Variants in KIF7 observed in about 807,000 individuals in gnomAD.
KIF7 encodes the protein kinesin-like protein KIF7.
Under a neutral mutation model 135.7 loss-of-function variants are expected in KIF7, and 104 were observed. The observed-to-expected ratio is 0.77, with a 90% CI of 0.65 to 0.90. KIF7 has a LOEUF of 0.90. Among genes scored for constraint, KIF7 ranks in the 40% least tolerant of loss-of-function variants. The pLI is 0.00. For synonymous variants in KIF7, 883 were observed against 809.4 expected, an observed-to-expected ratio of 1.09 and a Z score of -1.54; for missense variants, 2,005 against 1,839.1, an observed-to-expected ratio of 1.09 and a Z score of -1.65.
At chr15:89,624,136 C>G (rs140978691), downstream of KIF7, 1 of 1,613,744 alleles carries the variant, frequency 6.2e-7, no homozygotes. Flanking sequence ...CAGAGCTGCT[C>G]GGGCAGAGGA....
chr15:89,642,344 C>T lies in KIF7; in HGVS notation c.2253G>A (p.Glu751=). ...HSQRIRELEQ[E]AEQVRAELSE... ...TCAGCTCGGCCCGCACCTGCTCTGC[C>T]TCCTGCTCCAGCTCCCGGATACGCT... The change falls in exon 11 of 19, where the codon GAG becomes GAA. Residue 751 remains glutamate (E), a synonymous_variant. Coordinates refer to ENST00000394412, the MANE Select transcript of KIF7 (RefSeq NM_198525.3). 1.2e-6 allele frequency: 2 copies of T among 1,610,558 alleles called. No individual in the cohort carries two copies. Among genetic ancestry groups the T allele is most frequent in the Non-Finnish European group, 1.7e-6 (2 of 1,179,040 alleles).
intron 11 of KIF7, among the ~76,000 whole-genome samples, chr15:89,640,295 TAATA>T (rs1963894584): frequency 8.9e-6 from 1 of 112,416 alleles, no homozygotes; most frequent in South Asian, 4.1e-4. Flanking sequence ...AGTATAATAA[TAATA>T]AATTAAAAAT....
chr15:89,619,910 A>C (rs546706968), intron 1 of KIF7: 81 of 1,532,700 alleles, frequency 5.3e-5, no homozygotes, highest in Middle Eastern at 5.3e-4. Context: ...TTGGGAAAAG[A>C]AGCAAGAAAT....
rs886043006 is a variant in KIF7, at chr15:89,648,621, G to C, written c.1077C>G (p.Pro359=). The change falls in exon 5 of 19, where the codon CCC becomes CCG. Residue 359 remains proline (P), a synonymous_variant. Transcript: ENST00000394412. ...TCTCTTCGGGTGGCCGCTCGGCCTC[G>C]GGCCGCCAGTTGACCGTGGCGCGGT... ...IRNRATVNWR[P]EAERPPEETA... is the part of the protein sequence containing the mutation. 6.5e-7 allele frequency: 1 copy of C among 1,534,460 alleles called. No individual in the cohort carries two copies. Among genetic ancestry groups the C allele is most frequent in the Non-Finnish European group, 8.7e-7 (1 of 1,145,634 alleles).
chr15:89,623,637 T>G (rs774112387), downstream of KIF7: 1 of 1,605,282 alleles, frequency 6.2e-7, no homozygotes, highest in South Asian at 1.1e-5. Flanking sequence ...CCAAGAAGAG[T>G]CACCAGAAAT....
downstream of KIF7, among the ~76,000 whole-genome samples, chr15:89,626,741 A>G (rs146607652): frequency 1.2e-3 from 177 of 152,304 alleles, 2 homozygotes; most frequent in African/African-American, 4.2e-3. Context: ...TTGCATTTTC[A>G]GAGCTGCTTC....
downstream of KIF7, chr15:89,625,265 G>A: frequency 1.2e-6 from 2 of 1,613,482 alleles, no homozygotes; most frequent in Non-Finnish European, 1.7e-6. Flanking sequence ...CCCACCCACG[G>A]CCCTTCTAGT....
chr15:89,635,710 C>T (rs1963792189), intron 11 of KIF7, among the ~76,000 whole-genome samples: 1 of 152,102 alleles, frequency 6.6e-6, no homozygotes, highest in African/African-American at 2.4e-5. Context: ...ACTGGTGTAC[C>T]TGAAAGTGAC....
chr15:89,625,102 G>A (rs2141985600), downstream of KIF7: 1 of 1,613,820 alleles, frequency 6.2e-7, no homozygotes, highest in Non-Finnish European at 8.5e-7. Context: ...CTCTCTGGGA[G>A]AAGAGAGCTT....
intron 1 of KIF7, among the ~76,000 whole-genome samples, chr15:89,655,190 C>T (rs949017614): frequency 2.0e-5 from 3 of 152,234 alleles, no homozygotes; most frequent in East Asian, 1.9e-4. Context: ...CCTCAGCCCC[C>T]AGATGTCGGG....
Position 89,628,666 on chromosome 15 carries a change from C to T in KIF7, c.3785G>A (p.Arg1262Gln), listed in dbSNP as rs561205514. 12 of 1,613,148 alleles carry T rather than the reference C, an allele frequency of 7.4e-6. No individual in the cohort carries two copies. Among genetic ancestry groups the T allele is most frequent in the East Asian group, 4.5e-5 (2 of 44,842 alleles). ...GTGGACCAAGTCCCGCGTCTCCTCCCGGGTGCGGGGGGCCCCCTCAGTGAG... is the reference window on the plus strand; with the variant it reads ...GTGGACCAAGTCCCGCGTCTCCTCCTGGGTGCGGGGGGCCCCCTCAGTGAG... ...SPLTEGAPRTREETRDLVHAP... is the reference protein window; with the variant it reads ...SPLTEGAPRTQEETRDLVHAP... Residue 1262 changes from arginine to glutamine, a missense_variant, in exon 19 of 19, where the codon CGG becomes CAG. Arg to Gln is a conservative substitution (Grantham distance 43). Transcript: ENST00000394412.
chr15:89,632,672 G>A lies in KIF7; in HGVS notation c.2895+148C>T, dbSNP rs533472381. ...CCTCGCCTGGCAGGGACATCACCTG[G>A]CAGGTTTATCACTTGGAAGGACCTC... On this transcript the variant is annotated intron_variant, in intron 14 of 18. Coordinates refer to ENST00000394412, the MANE Select transcript of KIF7 (RefSeq NM_198525.3). 6.2e-4 allele frequency: 498 copies of A among 808,220 alleles called. 4 individuals carry two copies. The South Asian group carries it at 7.0e-3, about 11-fold the overall frequency. The allele number at this position is 808,220 out of a possible 1,614,324, so 50.1% of individuals were successfully genotyped here.
upstream of KIF7, chr15:89,655,477 G>T (rs1964194800): frequency 6.6e-6 from 1 of 152,078 alleles, no homozygotes; most frequent in Non-Finnish European, 1.5e-5. Context: ...TGCCGTCATC[G>T]GGACCCCCGC....
chr15:89,645,409 T>G lies in KIF7; in HGVS notation c.1965A>C (p.Pro655=). The G allele has an allele frequency of 6.2e-7, 1 of 1,614,036 alleles. No individual in the cohort carries two copies. Among genetic ancestry groups the G allele is most frequent in the Non-Finnish European group, 8.5e-7 (1 of 1,179,918 alleles). The stretch of plus-strand genomic sequence containing the variant: ...GGCCCTTCCTCTCTGGCAGACTCCC[T>G]GGGCGTGCCCCCGCCCTCTGACTGC... ...SNCSQRAGAR[P]GSLPERKGPE... The change falls in exon 9 of 19, where the codon CCA becomes CCC. Residue 655 remains proline (P), a synonymous_variant. Transcript: ENST00000394412.
intron 1 of KIF7, chr15:89,621,490 A>G (rs1963424137): frequency 1.2e-6 from 2 of 1,614,148 alleles, no homozygotes; most frequent in Admixed American, 1.7e-5. Context: ...AAAAGGGTTC[A>G]GCTCGAATGA....
intron 1 of KIF7, among the ~76,000 whole-genome samples, chr15:89,621,201 A>G (rs534505176): frequency 3.3e-5 from 5 of 151,322 alleles, no homozygotes; most frequent in African/African-American, 1.2e-4. Flanking sequence ...TTGTATTTTC[A>G]GTAGAGATGG....
chr15:89,636,817 C>T (rs1329238710), intron 11 of KIF7, among the ~76,000 whole-genome samples: 1 of 147,096 alleles, frequency 6.8e-6, no homozygotes, highest in African/African-American at 2.5e-5. Context: ...CTCAGCTCTG[C>T]ACCAAGCGGA....
chr15:89,647,605 G>T lies in KIF7; in HGVS notation c.1551C>A (p.Tyr517Ter), dbSNP rs1453971108. Residue 517 changes from tyrosine (Y) to a stop codon, truncating the protein, a stop_gained, in exon 6 of 19, where the codon TAC becomes TAA. Coordinates refer to ENST00000394412, the MANE Select transcript of KIF7 (RefSeq NM_198525.3). LOFTEE classifies it high-confidence loss of function. Reference sequence around the variant, plus strand: ...GAAGCGGGCGCCGCACCTGCAGTTTGTACTGCTCCATGGCGTCCTCCAGCG... The same window carrying T: ...GAAGCGGGCGCCGCACCTGCAGTTTTTACTGCTCCATGGCGTCCTCCAGCG... ...LAALEDAMEQ[Y>*]KLQSDRLREQ... The T allele has an allele frequency of 6.2e-7, 1 of 1,611,590 alleles. No individual in the cohort carries two copies. The highest frequency in any genetic ancestry group is 1.7e-5 in the Admixed American group (1 of 60,020).
At chr15:89,621,487 T>A (rs763885288) in intron 1 of KIF7, 2 of 1,613,898 alleles carry the variant, frequency 1.2e-6, no homozygotes, top group African/African-American at 2.7e-5. Flanking sequence ...CAGAAAAGGG[T>A]TCAGCTCGAA....
Sources: gnomAD v4.1 joint callset for allele counts (sites outside exome capture counted in the v4.1 genomes callset) on GRCh38, gnomAD v4.1.1 for gene constraint, MANE v1.5 for transcripts, NCBI Gene and HGNC (gene_info 2026-07-23, HGNC 2026-07-21) for gene names.